The following PLXND1 variants were observed in gnomAD, a reference collection of about 807,000 sequenced individuals.
PLXND1 encodes the protein plexin-D1.
A neutral mutation model predicts 197.7 loss-of-function variants in PLXND1; 54 were observed. The ratio of observed to expected loss-of-function variants is 0.27; its 90% confidence interval spans 0.22 to 0.34. PLXND1 has a LOEUF of 0.34. Among genes scored for constraint, PLXND1 ranks in the 10% least tolerant of loss-of-function variants. The pLI, the probability that PLXND1 is intolerant of heterozygous loss-of-function variation, is 1.00. For synonymous variants in PLXND1, 1,180 were observed against 1,161.2 expected (o/e 1.02, Z -0.33); for missense variants, 2,127 against 2,699.2 (o/e 0.79, Z 4.70).
rs2085082606 is a variant in PLXND1 at position 129,562,904 on chromosome 3, G to C, written c.4708C>G (p.Leu1570Val). ...VSFQGCGMDS[L>V]SVRAMDTDTL... ...TCGGTGTCCATGGCCCGCACGCTCA[G>C]CGAGTCCATGCCACAGCCCTGGAAG... The change falls in exon 27 of 36, where the codon CTG (leucine) becomes GTG (valine). Residue 1570 changes from leucine (L) to valine (V), a missense_variant. Transcript: ENST00000324093. The C allele has an allele frequency of 2.5e-6, 4 of 1,609,162 alleles. No individual in the cohort carries two copies. Among genetic ancestry groups the C allele is most frequent in the African/African-American group, 2.7e-5 (2 of 74,974 alleles).
intron 12 of PLXND1, 23 bp downstream of exon 12, chr3:129,574,313 G>A (rs201989077): frequency 1.9e-6 from 3 of 1,568,440 alleles, no homozygotes; most frequent in Non-Finnish European, 2.6e-6. Flanking sequence ...CGGGTGCCAC[G>A]TGCCTCCACT....
Position 129,584,713 on chromosome 3 carries a change from G to GAGT in PLXND1, c.1852-152_1852-151insACT, listed in dbSNP as rs1432607074. 5.0e-4 allele frequency: 335 copies of GAGT among 669,610 alleles called. 1 individual carries two copies. The Middle Eastern group carries it at 9.0e-3, about 18-fold the overall frequency. 41.5% of individuals were successfully genotyped at this position (669,610 alleles called of 1,614,324 possible). A position where few individuals can be genotyped will look rare whatever the true frequency, so the allele number is the denominator to read the frequency against. On this transcript the variant is annotated intron_variant, in intron 5 of 35. Coordinates refer to ENST00000324093, the MANE Select transcript of PLXND1 (RefSeq NM_015103.3). ...CCAGGACTCAGGGCCAGAGGGCTAT[G>GAGT]CCCTACATGTGACCCTCTGAGCCTC...
chr3:129,575,739 C>T (rs760890206), intron 10 of PLXND1, 27 bp downstream of exon 10: 13 of 1,532,648 alleles, frequency 8.5e-6, no homozygotes, highest in South Asian at 1.1e-5. Flanking sequence ...GCCCGCCCTC[C>T]GCCCATGCTG....
At position 129,577,058 on chromosome 3, in the gene PLXND1, G is replaced by GCTAA. The variant is rs1250936275; in HGVS notation, c.2347-1207_2347-1204dup. The stretch of plus-strand genomic sequence containing the variant: ...CTGCTTCTGGGGTCCCAGCCCGGAA[G>GCTAA]CTAACACAGGAAAGTGGCTGCTGAC... On this transcript the variant is annotated intron_variant, in intron 9 of 35. Transcript: ENST00000324093. This position sits in a 1 kb window ranked among gnomAD's most constrained non-coding sequence, Gnocchi z 5.0. 6.6e-6 allele frequency among the ~76,000 whole-genome samples: 1 copy of GCTAA among 152,194 alleles called. No homozygotes were observed. The highest frequency in any genetic ancestry group is 1.5e-5 in the Non-Finnish European group (1 of 68,032).
intron 2 of PLXND1, among the ~76,000 whole-genome samples, chr3:129,587,576 G>A (rs1048853979): frequency 6.6e-6 from 1 of 152,168 alleles, no homozygotes; most frequent in Admixed American, 6.5e-5. Context: ...TTTTGAGATG[G>A]GGCCAGTGGT....
chr3:129,596,518 C>T (rs2085626252), intron 1 of PLXND1, among the ~76,000 whole-genome samples: 1 of 152,160 alleles, frequency 6.6e-6, no homozygotes, highest in Non-Finnish European at 1.5e-5. Context: ...CAGCCAGCGG[C>T]TCTTCCCTGG....
intron 13 of PLXND1, among the ~76,000 whole-genome samples, chr3:129,573,292 T>C (rs2085264565): frequency 6.6e-6 from 1 of 152,048 alleles, no homozygotes; most frequent in Non-Finnish European, 1.5e-5. Context: ...GCCTTTTTAA[T>C]TGCAAATGAT....
chr3:129,599,811 C>G (rs541579204), intron 1 of PLXND1, among the ~76,000 whole-genome samples: 1 of 152,332 alleles, frequency 6.6e-6, no homozygotes, highest in East Asian at 1.9e-4. Context: ...TTCCCCACCA[C>G]GGAGAGCTCA....
In PLXND1 at chr3:129,589,338, CAACCATA is replaced by C; in HGVS notation, c.1488+6_1488+12del. On this transcript the variant is annotated splice_donor_region_variant and intron_variant, in intron 2 of 35. Transcript: ENST00000324093. Reference sequence around the variant, plus strand: ...CACCCCCACCCCCTCCCCACATCCCCAACCATACCTACCTTGAGAAGCCTCCCGTTGA... The same window carrying C: ...CACCCCCACCCCCTCCCCACATCCCCCCTACCTTGAGAAGCCTCCCGTTGA... 6.4e-7 allele frequency: 1 copy of C among 1,572,320 alleles called. No homozygotes were observed.
chr3:129,557,365 GA>G lies in PLXND1; in HGVS notation c.5446-143del. On this transcript the variant is annotated intron_variant, in intron 33 of 35. Coordinates refer to ENST00000324093, the MANE Select transcript of PLXND1 (RefSeq NM_015103.3). This position sits in a 1 kb window ranked among gnomAD's most constrained non-coding sequence, Gnocchi z 4.8. ...GCCCAAAGAGTCTCACCCGGTCACT[GA>G]ACGTCCCCGCACTCAGCCGGCCCCA... The G allele has an allele frequency of 1.2e-6, 1 of 854,736 alleles. No homozygotes were observed. Among genetic ancestry groups the G allele is most frequent in the Non-Finnish European group, 1.8e-6 (1 of 549,516 alleles). 52.9% of individuals were successfully genotyped at this position (854,736 alleles called of 1,614,324 possible). A position where few individuals can be genotyped will look rare whatever the true frequency, so the allele number is the denominator to read the frequency against.
At chr3:129,595,923 A>G (rs79655405) in intron 1 of PLXND1, among the ~76,000 whole-genome samples, 10 of 125,596 alleles carry the variant, frequency 8.0e-5, no homozygotes, top group East Asian at 3.3e-4. Flanking sequence ...GCACGCACGC[A>G]CACACACACA....
Position 129,606,472 on chromosome 3 carries a change from G to T in PLXND1, c.168C>A (p.Pro56=), listed in dbSNP as rs1368376870. The T allele has an allele frequency of 9.7e-6, 14 of 1,436,484 alleles. No homozygotes were observed. In the Admixed American group the frequency reaches 3.8e-4, roughly 39 times the overall value. The allele number at this position is 1,436,484 out of a possible 1,614,324, so 89.0% of individuals were successfully genotyped here. The change falls in exon 1 of 36, where the codon CCC becomes CCA. Residue 56 remains proline (P), a synonymous_variant. Coordinates refer to ENST00000324093, the MANE Select transcript of PLXND1 (RefSeq NM_015103.3). The stretch of plus-strand genomic sequence containing the variant: ...CCAGGGCGAAGTTGTTGGTGGGCGT[G>T]GGCGAGGGGAACCGACGCTGGATCT... ...ALEIQRRFPS[P]TPTNNFALDG...
chr3:129,594,678 G>A (rs189675712), intron 1 of PLXND1, among the ~76,000 whole-genome samples: 10 of 152,244 alleles, frequency 6.6e-5, no homozygotes, highest in Admixed American at 4.6e-4. Flanking sequence ...AGACGTTTGT[G>A]GAGTGCAGTC....
intron 35 of PLXND1, 61 bp from the exon 36 acceptor site, chr3:129,556,489 G>A: frequency 7.1e-7 from 1 of 1,412,146 alleles, no homozygotes; most frequent in East Asian, 2.3e-5. Context: ...GTTCGTGGGA[G>A]AGAACACACC....
rs1408272364 is a variant in PLXND1, at chr3:129,577,301, G to T, written c.2346+1028C>A. On this transcript the variant is annotated intron_variant, in intron 9 of 35. Coordinates refer to ENST00000324093, the MANE Select transcript of PLXND1 (RefSeq NM_015103.3). This position sits in a 1 kb window ranked among gnomAD's most constrained non-coding sequence, Gnocchi z 5.0. ...GGCGCCCCTGCAGCTCGGTCAGAGT[G>T]GAGGCTGCCCCACCACACAGCTGGG... 6.6e-6 allele frequency among the ~76,000 whole-genome samples: 1 copy of T among 152,178 alleles called. No homozygotes were observed. Among genetic ancestry groups the T allele is most frequent in the Non-Finnish European group, 1.5e-5 (1 of 68,020 alleles).
chr3:129,556,940 C>A, intron 34 of PLXND1, 143 bp downstream of exon 34: 1 of 905,456 alleles, frequency 1.1e-6, no homozygotes. Context: ...GACGAATTTG[C>A]AGGCCAGCAA....
intron 23 of PLXND1, 121 bp from the exon 24 acceptor site, chr3:129,566,138 C>G: frequency 1.1e-6 from 1 of 950,326 alleles, no homozygotes; most frequent in East Asian, 2.5e-5. Flanking sequence ...TTACCTTCCA[C>G]GGTGGATGCC....
chr3:129,556,092 C>A lies in PLXND1; in HGVS notation c.*220G>T, dbSNP rs2084968704. The A allele has an allele frequency of 1.9e-6, 1 of 538,174 alleles. No individual in the cohort carries two copies. Among genetic ancestry groups the A allele is most frequent in the African/African-American group, 1.9e-5 (1 of 52,550 alleles). The allele number at this position is 538,174 out of a possible 1,614,324, so 33.3% of individuals were successfully genotyped here. On this transcript the variant is annotated 3_prime_UTR_variant, in exon 36 of 36. Transcript: ENST00000324093. ...CTGACCAGCTCTCTGGCCTCCATCC[C>A]AGAGACTGATCTGGGGACAGGTGGG...
intron 2 of PLXND1, 44 bp downstream of exon 2, chr3:129,589,307 G>GCCGGGCGCCCCCCC: frequency 1.5e-6 from 1 of 684,692 alleles, no homozygotes. Context: ...TCCCAGGGGA[G>GCCGGGCGCCCCCCC]CCTCCCACCC....
Sources: allele counts gnomAD v4.1 joint callset (sites outside exome capture counted in the v4.1 genomes callset), GRCh38; gene constraint gnomAD v4.1.1; non-coding constraint Gnocchi (gnomAD v3.1); transcripts MANE v1.5; gene names NCBI Gene and HGNC (gene_info 2026-07-23, HGNC 2026-07-21).